ABTB3: variants seen among roughly 807,000 people sequenced by gnomAD.
ABTB3 encodes ankyrin repeat and BTB domain containing 3.
the ABTB3 span, among the ~76,000 whole-genome samples, chr12:107,496,987 G>C: frequency 6.6e-6 from 1 of 152,052 alleles, no homozygotes; most frequent in Non-Finnish European, 1.5e-5. Context: ...ACTTAAGGTA[G>C]TAGGAATCAA....
chr12:107,636,342 G>T, the ABTB3 span, among the ~76,000 whole-genome samples: 1 of 152,134 alleles, frequency 6.6e-6, no homozygotes, highest in East Asian at 1.9e-4. Flanking sequence ...CTGTCTCCCT[G>T]CTACCTGGAG....
chr12:107,590,005 G>A, the ABTB3 span, among the ~76,000 whole-genome samples: 5 of 152,322 alleles, frequency 3.3e-5, no homozygotes, highest in South Asian at 1.0e-3. Flanking sequence ...CACCTCCTGG[G>A]TTCAAGCAAT....
the ABTB3 span, among the ~76,000 whole-genome samples, chr12:107,648,380 C>CCACACACACACACACACACACACACACA: frequency 2.0e-3 from 286 of 140,164 alleles, 2 homozygotes; most frequent in African/African-American, 6.4e-3. Flanking sequence ...GACCCCATCT[C>CCACACACACACACACACACACACACACA]CACACACACA....
chr12:107,490,657 T>C, the ABTB3 span, among the ~76,000 whole-genome samples: 1 of 152,152 alleles, frequency 6.6e-6, no homozygotes, highest in African/African-American at 2.4e-5. Context: ...GTATAATGCA[T>C]TTTTATTTTC....
At chr12:107,432,771 C>T in the ABTB3 span, among the ~76,000 whole-genome samples, 1 of 152,146 alleles carries the variant, frequency 6.6e-6, no homozygotes, top group East Asian at 1.9e-4. Context: ...TACAGACTTC[C>T]AGTGTCAGAA....
At chr12:107,598,727 A>G in the ABTB3 span, among the ~76,000 whole-genome samples, 1 of 152,222 alleles carries the variant, frequency 6.6e-6, no homozygotes, top group East Asian at 1.9e-4. Context: ...AACTCAGGGA[A>G]TGTCCATGCT....
the ABTB3 span, among the ~76,000 whole-genome samples, chr12:107,433,363 G>A: frequency 6.6e-6 from 1 of 151,108 alleles, no homozygotes. Flanking sequence ...GGGGTTTGTT[G>A]GATTTATTCA....
chr12:107,495,074 C>A, the ABTB3 span, among the ~76,000 whole-genome samples: 10 of 152,188 alleles, frequency 6.6e-5, no homozygotes, highest in African/African-American at 2.2e-4. Context: ...GGACGCCCAG[C>A]GCCCAAGGAG....
the ABTB3 span, among the ~76,000 whole-genome samples, chr12:107,538,690 G>A: frequency 6.6e-6 from 1 of 152,206 alleles, no homozygotes; most frequent in East Asian, 1.9e-4. Context: ...CAGCCTCCTT[G>A]GTCATTTATG....
the ABTB3 span, among the ~76,000 whole-genome samples, chr12:107,466,450 C>T: frequency 6.6e-6 from 1 of 151,812 alleles, no homozygotes; most frequent in South Asian, 2.1e-4. Flanking sequence ...AATATCCCCA[C>T]TGTGCCACCC....
chr12:107,402,364 G>T, the ABTB3 span, among the ~76,000 whole-genome samples: 589 of 152,282 alleles, frequency 3.9e-3, 4 homozygotes, highest in South Asian at 0.024. Context: ...TCCAAATCTG[G>T]CTTGACCGCC....
chr12:107,442,751 G>A, the ABTB3 span, among the ~76,000 whole-genome samples: 1 of 152,178 alleles, frequency 6.6e-6, no homozygotes, highest in Non-Finnish European at 1.5e-5. Context: ...AGGGGGTTGT[G>A]GGGAGACTTG....
chr12:107,502,719 G>A, the ABTB3 span, among the ~76,000 whole-genome samples: 1 of 152,080 alleles, frequency 6.6e-6, no homozygotes, highest in African/African-American at 2.4e-5. Context: ...ATCAGTGGCA[G>A]CATTAGATTC....
chr12:107,411,924 G>A, the ABTB3 span, among the ~76,000 whole-genome samples: 1 of 152,184 alleles, frequency 6.6e-6, no homozygotes, highest in African/African-American at 2.4e-5. Flanking sequence ...CTGAGAGCAA[G>A]TCCTTTTATG....
At chr12:107,630,546 C>T in the ABTB3 span, among the ~76,000 whole-genome samples, 1 of 152,054 alleles carries the variant, frequency 6.6e-6, no homozygotes, top group African/African-American at 2.4e-5. Flanking sequence ...TGGGCTCAAG[C>T]CATCCTCCCA....
the ABTB3 span, chr12:107,610,408 C>G: frequency 6.3e-7 from 1 of 1,595,014 alleles, no homozygotes; most frequent in Non-Finnish European, 8.6e-7. Flanking sequence ...TGTGCATCAC[C>G]CCTGGCAAGA....
chr12:107,356,262 A>G, the ABTB3 span, among the ~76,000 whole-genome samples: 672 of 152,358 alleles, frequency 4.4e-3, 6 homozygotes, highest in African/African-American at 0.015. Flanking sequence ...ACCAGGTACC[A>G]TAAGAGATCC....
At chr12:107,433,005 G>A in the ABTB3 span, among the ~76,000 whole-genome samples, 2 of 152,184 alleles carry the variant, frequency 1.3e-5, no homozygotes, top group African/African-American at 2.4e-5. Context: ...AAGAAGAGTG[G>A]CCGGGCGCGG....
chr12:107,555,049 G>T, the ABTB3 span, among the ~76,000 whole-genome samples: 1 of 152,120 alleles, frequency 6.6e-6, no homozygotes, highest in Non-Finnish European at 1.5e-5. Flanking sequence ...GGTCCCCAAG[G>T]TCAGACGTGG....
Sources: allele counts gnomAD v4.1 joint callset (sites outside exome capture counted in the v4.1 genomes callset), GRCh38; gene constraint gnomAD v4.1.1; transcripts MANE v1.5; gene names NCBI Gene and HGNC (gene_info 2026-07-23, HGNC 2026-07-21).